The following KATNIP variants were observed in gnomAD, a reference collection of about 807,000 sequenced individuals.
The protein encoded by KATNIP is katanin interacting protein, also known as katanin-interacting protein.
A neutral mutation model predicts 174.0 loss-of-function variants in KATNIP; 126 were observed. The ratio of observed to expected loss-of-function variants is 0.72; its 90% CI spans 0.63 to 0.84. The LOEUF is 0.84. Among genes scored for constraint, KATNIP ranks in the 40% least tolerant of loss-of-function variants. KATNIP has a pLI of 0.00. For synonymous variants in KATNIP, 810 were observed against 835.7 expected, an observed-to-expected ratio of 0.97 and a Z score of 0.53; for missense variants, 1,958 against 2,109.7, an observed-to-expected ratio of 0.93 and a Z score of 1.41.
intron 5 of KATNIP, among the ~76,000 whole-genome samples, chr16:27,636,325 G>C (rs1387409476): frequency 6.6e-6 from 1 of 152,210 alleles, no homozygotes; most frequent in Non-Finnish European, 1.5e-5. Context: ...ACTCCCCAGA[G>C]CTTCAGTGGT....
intron 13 of KATNIP, among the ~76,000 whole-genome samples, chr16:27,713,320 A>G (rs961938337): frequency 3.3e-5 from 5 of 152,116 alleles, no homozygotes; most frequent in African/African-American, 4.8e-5. Context: ...ATATGTATGT[A>G]TGTATTGCAC....
In KATNIP at chr16:27,779,951, T is replaced by G. The variant is rs1006601073; in HGVS notation, c.*1322T>G. The G allele has an allele frequency of 4.6e-5, 7 of 152,208 alleles. No individual in the cohort carries two copies. The highest frequency in any genetic ancestry group is 1.7e-4 in the African/African-American group (7 of 41,448). The allele number at this position is 152,208 out of a possible 1,614,324, so 9.4% of individuals were successfully genotyped here. On this transcript the variant is annotated 3_prime_UTR_variant, in exon 28 of 28. Coordinates refer to ENST00000261588, the MANE Select transcript of KATNIP (RefSeq NM_015202.5). ...TCGAGCAGCTATGCAAACGCGCTTT[T>G]CATTTGGAGCACGGGGCTGATGTGA...
chr16:27,562,590 G>A (rs1000850725), intron 1 of KATNIP, among the ~76,000 whole-genome samples: 2 of 152,192 alleles, frequency 1.3e-5, no homozygotes, highest in Admixed American at 1.3e-4. Flanking sequence ...ACATACCCAT[G>A]CACGTTTTCA....
At chr16:27,666,256 C>T (rs146399456) in intron 6 of KATNIP, among the ~76,000 whole-genome samples, 133 of 152,328 alleles carry the variant, frequency 8.7e-4, no homozygotes, top group African/African-American at 3.2e-3. Context: ...TTTATAAATA[C>T]ACTTAGCTTT....
At chr16:27,561,119 C>A (rs1459726683) in intron 1 of KATNIP, among the ~76,000 whole-genome samples, 1 of 151,658 alleles carries the variant, frequency 6.6e-6, no homozygotes, top group Non-Finnish European at 1.5e-5. Flanking sequence ...TCAAACAATT[C>A]TCCTGTCTTA....
At chr16:27,668,336 T>C (rs1466310694) in intron 6 of KATNIP, among the ~76,000 whole-genome samples, 1 of 152,136 alleles carries the variant, frequency 6.6e-6, no homozygotes, top group Non-Finnish European at 1.5e-5. Flanking sequence ...GGGTGAGTCT[T>C]TTCTGTGCTG....
intron 13 of KATNIP, among the ~76,000 whole-genome samples, chr16:27,716,944 G>C (rs932587444): frequency 6.6e-6 from 1 of 151,882 alleles, no homozygotes. Flanking sequence ...TCCCGGGTTC[G>C]AGCGATTCTT....
chr16:27,769,037 C>G (rs1055445412), intron 20 of KATNIP, among the ~76,000 whole-genome samples: 1 of 152,240 alleles, frequency 6.6e-6, no homozygotes, highest in Non-Finnish European at 1.5e-5. Flanking sequence ...GCCTCAGACT[C>G]TACCATTAGG....
chr16:27,618,804 AG>A (rs1404923558), intron 3 of KATNIP, among the ~76,000 whole-genome samples: 1 of 152,242 alleles, frequency 6.6e-6, no homozygotes, highest in Non-Finnish European at 1.5e-5. Flanking sequence ...GGCTTGTGCA[AG>A]AACCACCTGA....
rs1342267052 is a variant in KATNIP, at chr16:27,750,047, C to T, written c.3087C>T (p.Arg1029=). 3.7e-6 allele frequency: 6 copies of T among 1,614,196 alleles called. No individual in the cohort carries two copies. Among genetic ancestry groups the T allele is most frequent in the South Asian group, 3.3e-5 (3 of 91,090 alleles). ...TACCAGCCTATGGGAAAGACCCCCG[C>T]GTGGTCACCAACCTCATCGACGGGG... is the stretch of plus-strand genomic sequence containing the variant. The part of the protein sequence containing the change: ...NILPAYGKDP[R]VVTNLIDGVN... The change falls in exon 16 of 28, where the codon CGC becomes CGT. Residue 1029 remains arginine (R), a synonymous_variant. Transcript: ENST00000261588.
intron 23 of KATNIP, among the ~76,000 whole-genome samples, chr16:27,774,119 A>C (rs2082407411): frequency 6.6e-6 from 1 of 152,108 alleles, no homozygotes; most frequent in African/African-American, 2.4e-5. Context: ...TCCCTGGCCC[A>C]CCACAGTTAG....
At chr16:27,681,373 T>TA in intron 7 of KATNIP, 26 bp from the exon 8 acceptor site, 1 of 1,613,952 alleles carries the variant, frequency 6.2e-7, no homozygotes, top group Non-Finnish European at 8.5e-7. Flanking sequence ...CTCAGCGTCT[T>TA]ACATGAAACA....
At chr16:27,716,458 A>G (rs12930749) in intron 13 of KATNIP, among the ~76,000 whole-genome samples, 34,908 of 151,916 alleles carry the variant, frequency 0.23, 4,808 homozygotes, top group African/African-American at 0.39. Flanking sequence ...TTTATGCTAT[A>G]TGAATTATAT....
rs746622812 is a variant in KATNIP, at chr16:27,637,909, T to G, written c.408+6747T>G. ...GGGGCTACAGGAGGACCAGGAAGCC[T>G]TTGAAGCAGGGCTACGTCTCTCTCC... On this transcript the variant is annotated intron_variant, in intron 5 of 27. Transcript: ENST00000261588. This position sits in a 1 kb window ranked among gnomAD's most constrained non-coding sequence, Gnocchi z 4.7. 5.9e-5 allele frequency among the ~76,000 whole-genome samples: 9 copies of G among 152,248 alleles called. No individual in the cohort carries two copies. The highest frequency in any genetic ancestry group is 1.2e-4 in the Non-Finnish European group (8 of 67,998).
intron 2 of KATNIP, among the ~76,000 whole-genome samples, chr16:27,609,834 A>G (rs1223261777): frequency 4.0e-5 from 6 of 148,998 alleles, no homozygotes; most frequent in Admixed American, 4.0e-4. Flanking sequence ...TGGGATTACA[A>G]GCATGCGCCA....
chr16:27,740,440 C>T lies in KATNIP; in HGVS notation c.2143C>T (p.Pro715Ser), dbSNP rs767250437. 3.7e-6 allele frequency: 6 copies of T among 1,614,060 alleles called. No homozygotes were observed. Among genetic ancestry groups the T allele is most frequent in the South Asian group, 1.1e-5 (1 of 91,084 alleles). Residue 715 changes from proline (P) to serine (S), a missense_variant, in exon 15 of 28, where the codon CCT (proline) becomes TCT (serine). Physicochemically the swap from Pro to Ser is moderately conservative, Grantham distance 74. Transcript: ENST00000261588. ...PTSMGDMPSAPATSPPVKCPP... is the reference protein window; with the variant it reads ...PTSMGDMPSASATSPPVKCPP... ...TTCGATGGGTGACATGCCCAGTGCT[C>T]CTGCCACTTCCCCACCTGTGAAGTG...
At position 27,740,576 on chromosome 16, in the gene KATNIP, C is replaced by G; in HGVS notation, c.2279C>G (p.Thr760Ser). The G allele has an allele frequency of 6.2e-7, 1 of 1,614,194 alleles. No homozygotes were observed. Among genetic ancestry groups the G allele is most frequent in the South Asian group, 1.1e-5 (1 of 91,084 alleles). Residue 760 changes from threonine (T) to serine (S), a missense_variant, in exon 15 of 28, where the codon ACC (threonine) becomes AGC (serine). Transcript: ENST00000261588. ...KTPSWLQPSP[T>S]GKDRKQGGRK... ...CCATCCTGGTTACAACCTTCTCCCA[C>G]CGGCAAGGACAGGAAGCAGGGAGGC...
chr16:27,712,696 A>C (rs897685987), intron 13 of KATNIP, among the ~76,000 whole-genome samples: 4 of 151,924 alleles, frequency 2.6e-5, no homozygotes, highest in Non-Finnish European at 4.4e-5. Context: ...CCTCAAGATG[A>C]CTCCAGATTT....
intron 6 of KATNIP, among the ~76,000 whole-genome samples, chr16:27,672,206 C>G (rs1306795347): frequency 1.3e-5 from 2 of 152,192 alleles, no homozygotes; most frequent in Non-Finnish European, 2.9e-5. Context: ...ACTGCTGCCT[C>G]CCTCTAGGGA....
Sources: allele counts gnomAD v4.1 joint callset (sites outside exome capture counted in the v4.1 genomes callset), GRCh38; gene constraint gnomAD v4.1.1; non-coding constraint Gnocchi (gnomAD v3.1); transcripts MANE v1.5; gene names NCBI Gene and HGNC (gene_info 2026-07-23, HGNC 2026-07-21).